Variants in MLLT6 observed in about 807,000 individuals in gnomAD.
MLLT6 encodes the protein MLLT6, PHD finger containing.
Under a neutral mutation model 103.0 loss-of-function variants are expected in MLLT6, and 22 were observed. The ratio of observed to expected loss-of-function variants is 0.21; its 90% CI spans 0.15 to 0.31. MLLT6 has a LOEUF of 0.31. Among genes scored for constraint, MLLT6 ranks in the 10% least tolerant of loss-of-function variants. The pLI, the probability that MLLT6 is intolerant of heterozygous loss-of-function variation, is 1.00. For synonymous variants in MLLT6, 606 were observed against 623.5 expected, an observed-to-expected ratio of 0.97 and a Z score of 0.42; for missense variants, 1,199 against 1,441.7, an observed-to-expected ratio of 0.83 and a Z score of 2.73.
intron 10 of MLLT6, among the ~76,000 whole-genome samples, 157 bp downstream of exon 10, chr17:38,717,138 C>T (rs1001059196): frequency 3.9e-5 from 6 of 152,178 alleles, no homozygotes; most frequent in African/African-American, 9.7e-5. Context: ...CCTCTGCATG[C>T]GTGGAGTAGA....
intron 8 of MLLT6, chr17:38,713,132 G>A (rs775335230): frequency 3.0e-5 from 21 of 704,330 alleles, no homozygotes; most frequent in South Asian, 7.7e-5. Context: ...CCCAGAGATC[G>A]GTAGAGGACA....
Position 38,729,497 on chromosome 17 carries a change from C to T in MLLT6, c.*3899C>T, listed in dbSNP as rs1351196319. On this transcript the variant is annotated 3_prime_UTR_variant, in exon 20 of 20. Transcript: ENST00000621332. The stretch of plus-strand genomic sequence containing the variant: ...ACTTGGGTGGTGGGACTGGAGACCT[C>T]ACCCCTGCTCCCGTCCCGCCCCCTT... The T allele has an allele frequency of 4.3e-6, 1 of 233,470 alleles. No homozygotes were observed. Among genetic ancestry groups the T allele is most frequent in the African/African-American group, 2.2e-5 (1 of 45,306 alleles). The allele number at this position is 233,470 out of a possible 1,614,324, so 14.5% of individuals were successfully genotyped here.
chr17:38,718,103 G>C (rs1225996157), intron 12 of MLLT6, 150 bp downstream of exon 12: 7 of 592,322 alleles, frequency 1.2e-5, no homozygotes, highest in Non-Finnish European at 2.1e-5. Context: ...GGCCGGGTGT[G>C]GTGGCTCACG....
At chr17:38,720,947 C>T in intron 16 of MLLT6, 200 bp downstream of exon 16, 1 of 605,474 alleles carries the variant, frequency 1.7e-6, no homozygotes, top group East Asian at 2.8e-5. Flanking sequence ...AATCAGTGAG[C>T]AAAACCGGCA....
intron 6 of MLLT6, among the ~76,000 whole-genome samples, chr17:38,711,325 C>T (rs890374336): frequency 6.6e-6 from 1 of 152,082 alleles, no homozygotes; most frequent in African/African-American, 2.4e-5. Flanking sequence ...GGCAGCATAT[C>T]CTTTGGGACA....
intron 3 of MLLT6, 62 bp from the exon 4 acceptor site, chr17:38,707,701 T>A (rs544190494): frequency 2.6e-5 from 32 of 1,228,402 alleles, no homozygotes; most frequent in East Asian, 2.6e-4. Context: ...CAGCGTGGGG[T>A]CATAAGGGGT....
At chr17:38,725,334 C>A (rs1905967250) in intron 19 of MLLT6, 1 of 568,582 alleles carries the variant, frequency 1.8e-6, no homozygotes, top group Non-Finnish European at 3.1e-6. Flanking sequence ...GGGCACACGG[C>A]CTTAGCTTGC....
At chr17:38,707,151 C>T (rs1460578059) in intron 2 of MLLT6, 122 bp downstream of exon 2, 15 of 767,630 alleles carry the variant, frequency 2.0e-5, no homozygotes, top group Non-Finnish European at 2.7e-5. Flanking sequence ...ACACAGACTT[C>T]CTGTTTCCTG....
At chr17:38,712,578 T>G (rs1905180729) in intron 7 of MLLT6, 113 bp from the exon 8 acceptor site, 1 of 706,580 alleles carries the variant, frequency 1.4e-6, no homozygotes, top group South Asian at 1.6e-5. Context: ...GGAGAGATGG[T>G]GCCCACAAAA....
Position 38,724,039 on chromosome 17 carries a change from G to A in MLLT6, c.2884-581G>A, listed in dbSNP as rs527854718. Among the ~76,000 whole-genome samples the A allele has an allele frequency of 5.9e-5, 9 of 152,200 alleles. No individual in the cohort carries two copies. The highest frequency in any genetic ancestry group is 1.3e-4 in the Admixed American group (2 of 15,286). On this transcript the variant is annotated intron_variant, in intron 18 of 19. Transcript: ENST00000621332. The surrounding 1 kb of genome is among the most constrained non-coding windows in gnomAD (Gnocchi z 5.4). ...ATTATAGGCGTGAGCCACCGTGTCC[G>A]GCGAATTGAAAACTATTGACCTAGT...
chr17:38,727,428 A>G lies in MLLT6; in HGVS notation c.*1830A>G, dbSNP rs1197707048. 1.3e-5 allele frequency: 3 copies of G among 228,094 alleles called. No individual in the cohort carries two copies. The highest frequency in any genetic ancestry group is 4.4e-5 in the African/African-American group (2 of 45,022). The allele number at this position is 228,094 out of a possible 1,614,324, so 14.1% of individuals were successfully genotyped here. On this transcript the variant is annotated 3_prime_UTR_variant, in exon 20 of 20. Transcript: ENST00000621332. ...TTTTTATTAATGCTAAATATGTTAG[A>G]AAGAAATGATAGCATTCAGCATTTT...
intron 8 of MLLT6, chr17:38,713,445 A>G (rs1905213868): frequency 4.5e-6 from 1 of 221,474 alleles, no homozygotes; most frequent in East Asian, 9.1e-5. Context: ...ATGGGAGGAG[A>G]ACCTGGTAGG....
At chr17:38,717,681 C>A in intron 11 of MLLT6, 68 bp downstream of exon 11, 2 of 1,545,704 alleles carry the variant, frequency 1.3e-6, no homozygotes. Flanking sequence ...AGGACCCCAG[C>A]CTTCCATGGG....
Position 38,719,545 on chromosome 17 carries a change from G to T in MLLT6, c.1971G>T (p.Arg657=). The T allele has an allele frequency of 6.2e-7, 1 of 1,611,884 alleles. No individual in the cohort carries two copies. The highest frequency in any genetic ancestry group is 2.2e-5 in the East Asian group (1 of 44,844). ...CAGACCTGGAGGACTGCAGCTTCCGGTGTCGGGGGACCTCCCCTCAGGAGA... is the reference window on the plus strand; with the variant it reads ...CAGACCTGGAGGACTGCAGCTTCCGTTGTCGGGGGACCTCCCCTCAGGAGA... ...TEPDLEDCSF[R]CRGTSPQESL... The change falls in exon 13 of 20, where the codon CGG becomes CGT. Residue 657 remains arginine (R), a synonymous_variant. Coordinates refer to ENST00000621332, the MANE Select transcript of MLLT6 (RefSeq NM_005937.4).
In MLLT6 at chr17:38,725,137, G is replaced by C. The variant is rs1905956004; in HGVS notation, c.3240+161G>C. On this transcript the variant is annotated intron_variant, in intron 19 of 19. Coordinates refer to ENST00000621332, the MANE Select transcript of MLLT6 (RefSeq NM_005937.4). The stretch of plus-strand genomic sequence containing the variant: ...ACCCCAGGGCCTCTGCTTGCACATG[G>C]GTGCCCTCCTGCACGGCCAAGAAAG... 5.1e-6 allele frequency: 3 copies of C among 593,566 alleles called. No individual in the cohort carries two copies. In the African/African-American group the frequency reaches 5.6e-5, roughly 11 times the overall value. 36.8% of individuals were successfully genotyped at this position (593,566 alleles called of 1,614,324 possible). A position where few individuals can be genotyped will look rare whatever the true frequency, so the allele number is the denominator to read the frequency against.
chr17:38,706,441 C>T (rs1008154378), intron 1 of MLLT6, among the ~76,000 whole-genome samples: 2 of 152,156 alleles, frequency 1.3e-5, no homozygotes, highest in South Asian at 2.1e-4. Context: ...ACGCTCCTCT[C>T]GGTTCCCAGC....
In MLLT6 at chr17:38,719,913, CG is replaced by C; in HGVS notation, c.2155+20del. On this transcript the variant is annotated intron_variant, in intron 14 of 19. Coordinates refer to ENST00000621332, the MANE Select transcript of MLLT6 (RefSeq NM_005937.4). ...CGTCAACAGTGAGGAGGGGTGGCGC[CG>C]GTCGGGACGCCTGCCCTAGGGCCCT... The C allele has an allele frequency of 6.4e-7, 1 of 1,554,930 alleles. No homozygotes were observed. The highest frequency in any genetic ancestry group is 8.7e-7 in the Non-Finnish European group (1 of 1,150,134).
chr17:38,712,160 T>C, intron 7 of MLLT6, 146 bp downstream of exon 7: 4 of 1,363,298 alleles, frequency 2.9e-6, no homozygotes, highest in Non-Finnish European at 3.8e-6. Context: ...AGGAGGGGGC[T>C]GAAATGAAAC....
intron 8 of MLLT6, chr17:38,715,366 GAAAGACAGACACCT>G: frequency 2.0e-6 from 1 of 503,410 alleles, no homozygotes; most frequent in Non-Finnish European, 3.4e-6. Flanking sequence ...TGCCTAAGGT[GAAAGACAGACACCT>G]TCTTGGGTTC....
Sources: gnomAD v4.1 joint callset for allele counts (sites outside exome capture counted in the v4.1 genomes callset) on GRCh38, gnomAD v4.1.1 for gene constraint, Gnocchi (gnomAD v3.1) non-coding constraint, MANE v1.5 for transcripts, NCBI Gene and HGNC (gene_info 2026-07-23, HGNC 2026-07-21) for gene names.